Variants in SPOCK1 observed in about 807,000 individuals in gnomAD.
SPOCK1 encodes testican-1.
Under a neutral mutation model 55.3 loss-of-function variants are expected in SPOCK1, and 23 were observed. The ratio of observed to expected loss-of-function variants is 0.42; its 90% CI spans 0.30 to 0.59. The LOEUF is 0.59. Among genes scored for constraint, SPOCK1 ranks in the 20% least tolerant of loss-of-function variants. SPOCK1 has a pLI of 0.22. For synonymous variants in SPOCK1, 226 were observed against 221.0 expected (o/e 1.02, Z -0.20); for missense variants, 499 against 552.5 (o/e 0.90, Z 0.97).
At chr5:137,046,371 A>G (rs1752106072) in intron 6 of SPOCK1, among the ~76,000 whole-genome samples, 2 of 149,690 alleles carry the variant, frequency 1.3e-5, no homozygotes, top group African/African-American at 4.9e-5. Flanking sequence ...ATCCCTTGTA[A>G]GTTGGATTCC....
At chr5:137,003,926 C>T (rs10491299) in intron 6 of SPOCK1, among the ~76,000 whole-genome samples, 15,724 of 152,098 alleles carry the variant, frequency 0.1, 956 homozygotes, top group Middle Eastern at 0.16. Context: ...CACTGGTACA[C>T]TTTCATTCAC....
intron 2 of SPOCK1, among the ~76,000 whole-genome samples, chr5:137,430,999 T>C (rs2149828852): frequency 6.6e-6 from 1 of 152,324 alleles, no homozygotes; most frequent in Non-Finnish European, 1.5e-5. Flanking sequence ...CAGTCCAAGC[T>C]AGTTTGGCCC....
chr5:137,304,847 G>T (rs1243863549), intron 2 of SPOCK1, among the ~76,000 whole-genome samples: 1 of 152,292 alleles, frequency 6.6e-6, no homozygotes, highest in African/African-American at 2.4e-5. Context: ...TTCTGCCAGT[G>T]GGGGCTGTGA....
chr5:137,478,773 C>G (rs955551433), intron 2 of SPOCK1, among the ~76,000 whole-genome samples: 6 of 151,986 alleles, frequency 3.9e-5, no homozygotes, highest in African/African-American at 1.5e-4. Context: ...TATTCACCAC[C>G]ACCCCCAACC....
At chr5:137,054,673 A>C (rs542504968) in intron 6 of SPOCK1, among the ~76,000 whole-genome samples, 18 of 152,342 alleles carry the variant, frequency 1.2e-4, no homozygotes, top group African/African-American at 4.3e-4. Context: ...CTTGGAGTAA[A>C]CCAAGAAGGA....
chr5:137,094,465 G>A (rs1170567190), intron 5 of SPOCK1, among the ~76,000 whole-genome samples: 9 of 152,188 alleles, frequency 5.9e-5, no homozygotes, highest in African/African-American at 1.9e-4. Flanking sequence ...AAATTTTTTG[G>A]CTTCCTGGTA....
intron 2 of SPOCK1, among the ~76,000 whole-genome samples, chr5:137,346,705 C>T (rs1289435755): frequency 2.0e-5 from 3 of 152,202 alleles, no homozygotes; most frequent in Non-Finnish European, 2.9e-5. Flanking sequence ...CTTCTACCAA[C>T]GTTCTCCCAA....
rs571620966 is a variant in SPOCK1 at position 137,343,086 on chromosome 5, G to A, written c.187-76031C>T. On this transcript the variant is annotated intron_variant, in intron 2 of 10. Coordinates refer to ENST00000394945, the MANE Select transcript of SPOCK1 (RefSeq NM_004598.4). ...GCTGGGTGACTGTCTTTGAGCAGAAGGCCTTCAATCAAGTGCAAGTACATC... is the reference window on the plus strand; with the variant it reads ...GCTGGGTGACTGTCTTTGAGCAGAAAGCCTTCAATCAAGTGCAAGTACATC... Among the ~76,000 whole-genome samples the A allele has an allele frequency of 6.6e-5, 10 of 152,334 alleles. No individual in the cohort carries two copies. The South Asian group carries it at 8.3e-4, about 13-fold the overall frequency.
chr5:137,160,174 T>A (rs1754498142), intron 3 of SPOCK1, among the ~76,000 whole-genome samples: 1 of 151,486 alleles, frequency 6.6e-6, no homozygotes, highest in Admixed American at 6.6e-5. Context: ...TGTGTCCTCA[T>A]AGCTTAGCTC....
intron 5 of SPOCK1, among the ~76,000 whole-genome samples, chr5:137,071,804 T>C (rs1468134750): frequency 6.6e-6 from 1 of 152,066 alleles, no homozygotes; most frequent in Non-Finnish European, 1.5e-5. Flanking sequence ...TCCCAATCAC[T>C]TTCCCTCATC....
intron 2 of SPOCK1, among the ~76,000 whole-genome samples, chr5:137,390,186 C>T (rs1028865128): frequency 6.6e-6 from 1 of 152,092 alleles, no homozygotes; most frequent in Non-Finnish European, 1.5e-5. Context: ...GGGCAAAATA[C>T]AAGACAACTT....
At chr5:137,427,673 G>C (rs938072448) in intron 2 of SPOCK1, among the ~76,000 whole-genome samples, 5 of 152,152 alleles carry the variant, frequency 3.3e-5, no homozygotes, top group Non-Finnish European at 1.5e-5. Context: ...ACTTTGGGAG[G>C]CTGAGGCGGG....
chr5:137,422,964 G>A (rs562630177), intron 2 of SPOCK1, among the ~76,000 whole-genome samples: 171 of 152,230 alleles, frequency 1.1e-3, no homozygotes, highest in African/African-American at 3.9e-3. Context: ...TGGGGTTTTG[G>A]TGTGGATGTC....
chr5:137,158,836 G>A (rs1455814495), intron 3 of SPOCK1, among the ~76,000 whole-genome samples: 1 of 152,056 alleles, frequency 6.6e-6, no homozygotes, highest in Non-Finnish European at 1.5e-5. Flanking sequence ...GGGATGAGGT[G>A]AATGACCTGG....
intron 2 of SPOCK1, among the ~76,000 whole-genome samples, chr5:137,382,500 G>A (rs947264502): frequency 6.6e-6 from 1 of 152,184 alleles, no homozygotes; most frequent in Non-Finnish European, 1.5e-5. Context: ...GAAGAAAAGA[G>A]GTCTAATTGA....
At chr5:137,097,031 T>C (rs950950189) in intron 5 of SPOCK1, among the ~76,000 whole-genome samples, 4 of 152,176 alleles carry the variant, frequency 2.6e-5, no homozygotes, top group Admixed American at 2.0e-4. Context: ...GAGACTGGCA[T>C]GAGAATTATG....
intron 2 of SPOCK1, among the ~76,000 whole-genome samples, chr5:137,466,561 A>C (rs1430981737): frequency 1.3e-5 from 2 of 152,030 alleles, no homozygotes; most frequent in African/African-American, 4.8e-5. Context: ...CCAGGATCAC[A>C]CTCCCAGTGC....
At chr5:137,296,421 G>A (rs917212047) in intron 2 of SPOCK1, among the ~76,000 whole-genome samples, 2 of 152,222 alleles carry the variant, frequency 1.3e-5, no homozygotes, top group African/African-American at 2.4e-5. Flanking sequence ...GAGCAAAGCA[G>A]CAAGGCTGGG....
chr5:137,243,338 T>C (rs891384094), intron 3 of SPOCK1, among the ~76,000 whole-genome samples: 7 of 152,244 alleles, frequency 4.6e-5, no homozygotes, highest in Non-Finnish European at 8.8e-5. Flanking sequence ...AAAGGCAGGC[T>C]AGTATTTTAT....
Sources: allele counts gnomAD v4.1 joint callset (sites outside exome capture counted in the v4.1 genomes callset), GRCh38; gene constraint gnomAD v4.1.1; transcripts MANE v1.5; gene names NCBI Gene and HGNC (gene_info 2026-07-23, HGNC 2026-07-21).